The following FAT3 variants were observed in gnomAD, a reference collection of about 807,000 sequenced individuals.
The protein encoded by FAT3 is FAT atypical cadherin 3, also known as protocadherin Fat 3.
A neutral mutation model predicts 310.2 loss-of-function variants in FAT3; 95 were observed. That is an observed-to-expected ratio of 0.31 (90% CI 0.26 to 0.36). The LOEUF (loss-of-function observed/expected upper bound fraction) is 0.36. Among genes scored for constraint, FAT3 ranks in the 10% least tolerant of loss-of-function variants. The pLI, the probability that FAT3 is intolerant of heterozygous loss-of-function variation, is 1.00. For missense variants in FAT3, 5,408 were observed against 5,715.6 expected (o/e 0.95, Z 1.74); for synonymous variants, 2,314 against 2,192.9 (o/e 1.06, Z -1.54).
At chr11:92,521,431 C>A (rs775299128) in intron 2 of FAT3, among the ~76,000 whole-genome samples, 1 of 152,102 alleles carries the variant, frequency 6.6e-6, no homozygotes, top group Non-Finnish European at 1.5e-5. Flanking sequence ...TCAAGATTAT[C>A]CCCTGCTTTA....
chr11:92,611,447 T>C (rs1321965898), intron 3 of FAT3, among the ~76,000 whole-genome samples: 1 of 151,910 alleles, frequency 6.6e-6, no homozygotes, highest in East Asian at 1.9e-4. Context: ...TTGCTTTGTC[T>C]CCCAGGCTAG....
chr11:92,420,411 CATGTGG>C (rs1950511777), intron 2 of FAT3, among the ~76,000 whole-genome samples: 1 of 152,170 alleles, frequency 6.6e-6, no homozygotes, highest in Admixed American at 6.6e-5. Context: ...ACCAAGTTTG[CATGTGG>C]ATAGCTATGC....
intron 4 of FAT3, among the ~76,000 whole-genome samples, chr11:92,699,140 A>T (rs897950572): frequency 6.6e-6 from 1 of 152,196 alleles, no homozygotes; most frequent in African/African-American, 2.4e-5. Context: ...ACTAACACAG[A>T]TTGGGGTCTG....
chr11:92,269,490 AC>A (rs1946063502), intron 1 of FAT3, among the ~76,000 whole-genome samples: 1 of 152,160 alleles, frequency 6.6e-6, no homozygotes, highest in Non-Finnish European at 1.5e-5. Flanking sequence ...TGGGACATAT[AC>A]TTTGAACAAG....
At chr11:92,262,737 A>G (rs371648145) in intron 1 of FAT3, among the ~76,000 whole-genome samples, 1 of 152,170 alleles carries the variant, frequency 6.6e-6, no homozygotes, top group Non-Finnish European at 1.5e-5. Flanking sequence ...CCCACATGGG[A>G]CTGTGATAAG....
chr11:92,562,116 T>C (rs1955248405), intron 3 of FAT3, among the ~76,000 whole-genome samples: 1 of 152,218 alleles, frequency 6.6e-6, no homozygotes. Context: ...ATCCCTTTCC[T>C]GACTTTCCTT....
intron 21 of FAT3, among the ~76,000 whole-genome samples, chr11:92,860,404 C>T (rs1949091318): frequency 6.6e-6 from 1 of 152,166 alleles, no homozygotes; most frequent in Non-Finnish European, 1.5e-5. Context: ...GCTACTACAA[C>T]TCATTTATTA....
intron 4 of FAT3, among the ~76,000 whole-genome samples, chr11:92,738,282 C>CA (rs1945408879): frequency 6.6e-6 from 1 of 151,980 alleles, no homozygotes; most frequent in Admixed American, 6.6e-5. Flanking sequence ...TTTAATTCCC[C>CA]AAAAGTAAAG....
At chr11:92,869,792 G>A (rs374768641) in intron 22 of FAT3, among the ~76,000 whole-genome samples, 1 of 152,138 alleles carries the variant, frequency 6.6e-6, no homozygotes, top group African/African-American at 2.4e-5. Flanking sequence ...AGAACAATAA[G>A]ACTGAGTCTT....
intron 2 of FAT3, among the ~76,000 whole-genome samples, chr11:92,365,402 T>C (rs187910472): frequency 6.6e-6 from 1 of 152,300 alleles, no homozygotes; most frequent in East Asian, 1.9e-4. Context: ...GTTTAAATCA[T>C]TTTTATGATT....
intron 6 of FAT3, among the ~76,000 whole-genome samples, chr11:92,772,508 C>T (rs961891047): frequency 5.9e-5 from 9 of 151,982 alleles, no homozygotes; most frequent in African/African-American, 2.2e-4. Context: ...AGCCTAGACT[C>T]CCCCCTCTCT....
intron 3 of FAT3, among the ~76,000 whole-genome samples, chr11:92,555,244 A>G (rs1954978329): frequency 1.3e-5 from 2 of 152,236 alleles, no homozygotes; most frequent in African/African-American, 2.4e-5. Flanking sequence ...TGTCACTACA[A>G]TAATGTAATA....
intron 1 of FAT3, among the ~76,000 whole-genome samples, chr11:92,303,056 T>C (rs188867177): frequency 2.4e-4 from 37 of 152,230 alleles, no homozygotes; most frequent in African/African-American, 8.7e-4. Flanking sequence ...CAAAGATGTT[T>C]AGCATCTACC....
intron 3 of FAT3, among the ~76,000 whole-genome samples, chr11:92,668,235 A>C (rs967556596): frequency 6.6e-6 from 1 of 152,262 alleles, no homozygotes; most frequent in Non-Finnish European, 1.5e-5. Flanking sequence ...TGGTTGGCCA[A>C]ATATGACATC....
intron 2 of FAT3, among the ~76,000 whole-genome samples, chr11:92,515,172 A>T (rs145374146): frequency 6.6e-6 from 1 of 152,148 alleles, no homozygotes; most frequent in Non-Finnish European, 1.5e-5. Flanking sequence ...CTCTGCCATT[A>T]TAGAACCCAC....
rs1950027613 is a variant in FAT3 at position 92,896,155 on chromosome 11, A to G, written c.*5042A>G. On this transcript the variant is annotated 3_prime_UTR_variant, in exon 28 of 28. Transcript: ENST00000525166. ...TGAGGTATGCCATTTCTTCATATAC[A>G]TGCACATTCACCTCAACTTGCACAC... 1 of 152,178 alleles carries G rather than the reference A, an allele frequency of 6.6e-6. No individual in the cohort carries two copies. Among genetic ancestry groups the G allele is most frequent in the African/African-American group, 2.4e-5 (1 of 41,434 alleles). The allele number at this position is 152,178 out of a possible 1,614,324, so 9.4% of individuals were successfully genotyped here.
chr11:92,474,165 G>C (rs1029782104), intron 2 of FAT3, among the ~76,000 whole-genome samples: 2 of 152,266 alleles, frequency 1.3e-5, no homozygotes, highest in Non-Finnish European at 1.5e-5. Context: ...TCCTCTGGTG[G>C]TTCCCATTTC....
intron 4 of FAT3, among the ~76,000 whole-genome samples, chr11:92,708,571 T>C (rs1044802633): frequency 2.6e-5 from 4 of 152,254 alleles, no homozygotes; most frequent in African/African-American, 7.2e-5. Context: ...TTAGCTATTA[T>C]AATTAGAAGC....
intron 18 of FAT3, 47 bp from the exon 19 acceptor site, chr11:92,843,887 G>A: frequency 4.0e-6 from 6 of 1,518,906 alleles, no homozygotes; most frequent in Non-Finnish European, 5.3e-6. Context: ...AACTTACTAT[G>A]ATTAGTTTTC....
Sources: gnomAD v4.1 joint callset for allele counts (sites outside exome capture counted in the v4.1 genomes callset) on GRCh38, gnomAD v4.1.1 for gene constraint, MANE v1.5 for transcripts, NCBI Gene and HGNC (gene_info 2026-07-23, HGNC 2026-07-21) for gene names.